BIN1: variants seen among roughly 807,000 people sequenced by gnomAD.
BIN1 encodes the protein myc box-dependent-interacting protein 1.
A neutral mutation model predicts 82.0 loss-of-function variants in BIN1; 53 were observed. The observed-to-expected ratio is 0.65, with a 90% confidence interval of 0.52 to 0.81. BIN1 has a LOEUF of 0.81. Among genes scored for constraint, BIN1 ranks in the 40% least tolerant of loss-of-function variants. BIN1 has a pLI of 0.00. For missense variants in BIN1, 642 were observed against 784.4 expected, an observed-to-expected ratio of 0.82 and a Z score of 2.17; for synonymous variants, 302 against 328.0, an observed-to-expected ratio of 0.92 and a Z score of 0.86.
intron 7 of BIN1, among the ~76,000 whole-genome samples, chr2:127,065,305 CGGGGGGT>C (rs1685012841): frequency 6.8e-6 from 1 of 146,968 alleles, no homozygotes; most frequent in Non-Finnish European, 1.5e-5. Context: ...GAATGGGGAG[CGGGGGGT>C]GGGGAAGAAT....
At chr2:127,086,539 G>A (rs777986067) in intron 1 of BIN1, among the ~76,000 whole-genome samples, 2 of 140,870 alleles carry the variant, frequency 1.4e-5, no homozygotes, top group African/African-American at 2.7e-5. Context: ...ACAGAATCTC[G>A]CTCTGTTGCC....
chr2:127,050,885 T>C lies in BIN1; in HGVS notation c.1489A>G (p.Thr497Ala). 6.2e-7 allele frequency: 1 copy of C among 1,613,668 alleles called. No individual in the cohort carries two copies. Among genetic ancestry groups the C allele is most frequent in the East Asian group, 2.2e-5 (1 of 44,864 alleles). Residue 497 changes from threonine (T) to alanine (A), a missense_variant, in exon 17 of 19, where the codon ACC (threonine) becomes GCC (alanine). Physicochemically the swap from Thr to Ala is moderately conservative, Grantham distance 58 (BLOSUM62 0). Coordinates refer to ENST00000316724, the MANE Select transcript of BIN1 (RefSeq NM_139343.3). ...GTGCCATTCACAGTTGCTGGGAAGG[T>C]CTCCACCACGACAGCAGGAAGAGAG... is the stretch of plus-strand genomic sequence containing the variant. ...SSSLPAVVVE[T>A]FPATVNGTVE... is the part of the protein sequence containing the mutation.
Position 127,067,378 on chromosome 2 carries a change from G to A in BIN1, c.612+785C>T, listed in dbSNP as rs1310069230. ...AGGGCACTGCATCCAGTGGTCCCTG[G>A]CCACACTGTAACCCATTTGGAGGGC... On this transcript the variant is annotated intron_variant, in intron 7 of 18. Transcript: ENST00000316724. This position sits in a 1 kb window ranked among gnomAD's most constrained non-coding sequence, Gnocchi z 4.7. Among the ~76,000 whole-genome samples, 2 of 152,218 alleles carry A rather than the reference G, an allele frequency of 1.3e-5. No homozygotes were observed. Among genetic ancestry groups the A allele is most frequent in the Non-Finnish European group, 2.9e-5 (2 of 68,042 alleles).
Position 127,068,464 on chromosome 2 carries a change from G to A in BIN1, c.520-209C>T, listed in dbSNP as rs1296093690. ...CTCCAACTGCAGAGGCAAAAGGTGA[G>A]CGTGGTTAGCAGCACAGGGGGCCCA... On this transcript the variant is annotated intron_variant, in intron 6 of 18. Transcript: ENST00000316724. This position sits in a 1 kb window ranked among gnomAD's most constrained non-coding sequence, Gnocchi z 4.9. 1.3e-5 allele frequency among the ~76,000 whole-genome samples: 2 copies of A among 152,150 alleles called. No homozygotes were observed. Among genetic ancestry groups the A allele is most frequent in the African/African-American group, 4.8e-5 (2 of 41,438 alleles).
chr2:127,074,430 C>A (rs1396741303), intron 2 of BIN1, among the ~76,000 whole-genome samples: 1 of 152,194 alleles, frequency 6.6e-6, no homozygotes, highest in East Asian at 1.9e-4. Flanking sequence ...CGGGGGCAGA[C>A]AGAGGCCCAG....
intron 1 of BIN1, among the ~76,000 whole-genome samples, chr2:127,081,181 G>A (rs953155282): frequency 1.3e-5 from 2 of 152,238 alleles, no homozygotes; most frequent in Admixed American, 6.5e-5. Context: ...GAACCCAGAA[G>A]GAGGAAGGGT....
Position 127,053,893 on chromosome 2 carries a change from G to A in BIN1, c.1239+12C>T, listed in dbSNP as rs1051734043. 8 of 1,550,374 alleles carry A rather than the reference G, an allele frequency of 5.2e-6. No individual in the cohort carries two copies. In the Admixed American group the frequency reaches 1.4e-4, roughly 27 times the overall value. Reference sequence around the variant, plus strand: ...GCTGGTGGGCCCATGGGCAGTGGTGGGCACAACCAACCTGACCAGAGGGCG... The same window carrying A: ...GCTGGTGGGCCCATGGGCAGTGGTGAGCACAACCAACCTGACCAGAGGGCG... On this transcript the variant is annotated intron_variant, in intron 13 of 18. Transcript: ENST00000316724.
rs1685308673 is a variant in BIN1 at position 127,067,579 on chromosome 2, C to T, written c.612+584G>A. ...TCCCCTCCACGTCTCAGCATCCCAT[C>T]CAGACTGGAGGGTCCTCCCAGTAAC... is the stretch of plus-strand genomic sequence containing the variant. On this transcript the variant is annotated intron_variant, in intron 7 of 18. Coordinates refer to ENST00000316724, the MANE Select transcript of BIN1 (RefSeq NM_139343.3). This position sits in a 1 kb window ranked among gnomAD's most constrained non-coding sequence, Gnocchi z 4.7. Among the ~76,000 whole-genome samples, 1 of 152,204 alleles carries T rather than the reference C, an allele frequency of 6.6e-6. No homozygotes were observed. The highest frequency in any genetic ancestry group is 6.5e-5 in the Admixed American group (1 of 15,286).
In BIN1 at chr2:127,095,559, T is replaced by C. The variant is rs548316024; in HGVS notation, c.84+11301A>G. Among the ~76,000 whole-genome samples the C allele has an allele frequency of 2.0e-5, 3 of 152,294 alleles. No homozygotes were observed. The South Asian group carries it at 6.2e-4, about 32-fold the overall frequency. ...AAGGCAGCCCCCACACTGATTTTCA[T>C]TTGAAGACAATGAAGACATCTGCAC... is the stretch of plus-strand genomic sequence containing the variant. On this transcript the variant is annotated intron_variant, in intron 1 of 18. Transcript: ENST00000316724.
chr2:127,083,669 GGTTCACATATTGCTTCT>G (rs763150243), intron 1 of BIN1, among the ~76,000 whole-genome samples: 9 of 152,196 alleles, frequency 5.9e-5, no homozygotes, highest in Non-Finnish European at 1.2e-4. Context: ...ATCCAACTGT[GGTTCACATATTGCTTCT>G]GATTGTCGGG....
chr2:127,071,860 T>A (rs111433960), intron 2 of BIN1, among the ~76,000 whole-genome samples: 4 of 152,320 alleles, frequency 2.6e-5, no homozygotes, highest in Admixed American at 6.5e-5. Context: ...CTGGCACTCC[T>A]CAGATCCAGT....
intron 1 of BIN1, among the ~76,000 whole-genome samples, chr2:127,088,754 AAG>A (rs1558869716): frequency 6.6e-6 from 1 of 151,618 alleles, no homozygotes; most frequent in Admixed American, 6.6e-5. Flanking sequence ...AAAAAAAAAA[AAG>A]AGAGACACTG....
chr2:127,102,722 C>T (rs1036593417), intron 1 of BIN1, among the ~76,000 whole-genome samples: 11 of 152,214 alleles, frequency 7.2e-5, no homozygotes, highest in African/African-American at 2.4e-4. Context: ...ACGCCTTTAC[C>T]GAACACCCAA....
At chr2:127,079,342 A>C (rs1351425082) in intron 1 of BIN1, among the ~76,000 whole-genome samples, 1 of 152,258 alleles carries the variant, frequency 6.6e-6, no homozygotes, top group Non-Finnish European at 1.5e-5. Context: ...GATCATGTCT[A>C]TAAAGTGCAG....
chr2:127,073,085 G>A (rs1308940234), intron 2 of BIN1, among the ~76,000 whole-genome samples: 4 of 152,184 alleles, frequency 2.6e-5, no homozygotes, highest in African/African-American at 4.8e-5. Context: ...GCTTCAGGCC[G>A]TACCAGGGCT....
chr2:127,053,798 G>T, intron 13 of BIN1, 107 bp downstream of exon 13: 1 of 1,091,000 alleles, frequency 9.2e-7, no homozygotes. Flanking sequence ...CAGGGGAAGG[G>T]CAGTGACCCA....
chr2:127,069,827 C>T (rs777574588), intron 5 of BIN1, among the ~76,000 whole-genome samples, 168 bp downstream of exon 5: 2 of 152,138 alleles, frequency 1.3e-5, no homozygotes, highest in Admixed American at 6.5e-5. Flanking sequence ...AATGGGGGGC[C>T]GTGGGCTGGT....
chr2:127,058,958 C>A, intron 11 of BIN1, 53 bp downstream of exon 11: 1 of 1,548,828 alleles, frequency 6.5e-7, no homozygotes, highest in East Asian at 2.4e-5. Flanking sequence ...AACAGCAAAG[C>A]CGGAGGAGAA....
intron 7 of BIN1, among the ~76,000 whole-genome samples, chr2:127,064,459 C>T (rs1684894408): frequency 6.6e-6 from 1 of 152,216 alleles, no homozygotes; most frequent in African/African-American, 2.4e-5. Context: ...CAGCATCTGT[C>T]GCTGCCCCCA....
Sources: allele counts gnomAD v4.1 joint callset (sites outside exome capture counted in the v4.1 genomes callset), GRCh38; gene constraint gnomAD v4.1.1; non-coding constraint Gnocchi (gnomAD v3.1); transcripts MANE v1.5; gene names NCBI Gene and HGNC (gene_info 2026-07-23, HGNC 2026-07-21).